The following HS3ST4 variants were observed in gnomAD, a reference collection of about 807,000 sequenced individuals.
HS3ST4 encodes the protein heparan sulfate-glucosamine 3-sulfotransferase 4, also known as heparan sulfate glucosamine 3-O-sulfotransferase 4.
In HS3ST4, 17 loss-of-function variants were observed where a neutral mutation model predicts 29.2. The observed-to-expected ratio is 0.58, with a 90% CI of 0.40 to 0.87. The LOEUF is 0.87. HS3ST4 is among the 40% of genes least tolerant of loss of function. The pLI is 0.00. For missense variants in HS3ST4, 627 were observed against 634.5 expected (o/e 0.99, Z 0.13); for synonymous variants, 314 against 285.7 (o/e 1.10, Z -1.00).
chr16:25,703,747 G>C (rs1441570373), intron 1 of HS3ST4, among the ~76,000 whole-genome samples: 4 of 152,084 alleles, frequency 2.6e-5, no homozygotes, highest in Admixed American at 2.6e-4. Context: ...TCCCCCTTTA[G>C]GGCCATTTTA....
In HS3ST4 at chr16:25,822,966, G is replaced by A. The variant is rs187134309; in HGVS notation, c.734+129815G>A. On this transcript the variant is annotated intron_variant, in intron 1 of 1. Transcript: ENST00000331351. ...TTGGTCAGGCTGGTCTTGAACTCCT[G>A]GCCTCAAGTGATCTGCCCTCCTTTG... is the stretch of plus-strand genomic sequence containing the variant. Among the ~76,000 whole-genome samples, 4 of 152,180 alleles carry A rather than the reference G, an allele frequency of 2.6e-5. No homozygotes were observed. In the East Asian group the frequency reaches 7.7e-4, roughly 29 times the overall value.
intron 1 of HS3ST4, among the ~76,000 whole-genome samples, chr16:25,937,115 A>T (rs189865489): frequency 1.2e-4 from 18 of 151,188 alleles, no homozygotes; most frequent in Admixed American, 1.1e-3. Context: ...ACAAGGTCAT[A>T]CCTTTCTGGG....
At chr16:25,736,345 G>A (rs1966610238) in intron 1 of HS3ST4, among the ~76,000 whole-genome samples, 1 of 152,200 alleles carries the variant, frequency 6.6e-6, no homozygotes, top group African/African-American at 2.4e-5. Flanking sequence ...CTTGCCATAT[G>A]AAGTCACTTA....
At chr16:25,776,576 C>T (rs1966847707) in intron 1 of HS3ST4, among the ~76,000 whole-genome samples, 1 of 152,192 alleles carries the variant, frequency 6.6e-6, no homozygotes, top group Non-Finnish European at 1.5e-5. Context: ...GAGGCTGTGT[C>T]ACGGGTGCGC....
chr16:25,847,694 A>G (rs1967479819), intron 1 of HS3ST4, among the ~76,000 whole-genome samples: 1 of 152,190 alleles, frequency 6.6e-6, no homozygotes, highest in East Asian at 1.9e-4. Flanking sequence ...CTTCCTGGGA[A>G]TTCAGGTAGC....
chr16:26,110,559 A>G (rs911172258), intron 1 of HS3ST4, among the ~76,000 whole-genome samples: 15 of 152,130 alleles, frequency 9.9e-5, no homozygotes, highest in Admixed American at 4.6e-4. Context: ...ACCAAATTCT[A>G]TTGGCCCTTT....
At chr16:25,725,383 A>T (rs1048308976) in intron 1 of HS3ST4, among the ~76,000 whole-genome samples, 3 of 152,174 alleles carry the variant, frequency 2.0e-5, no homozygotes, top group African/African-American at 4.8e-5. Context: ...ATTGTACATT[A>T]TAAGAAGTTT....
chr16:26,025,031 CT>C (rs879908333), intron 1 of HS3ST4, among the ~76,000 whole-genome samples: 32 of 147,514 alleles, frequency 2.2e-4, no homozygotes, highest in East Asian at 5.9e-4. Flanking sequence ...AAAGTTCCAA[CT>C]TTTTTTTTTT....
At chr16:25,886,026 G>GGT (rs1176522287) in intron 1 of HS3ST4, among the ~76,000 whole-genome samples, 6 of 85,310 alleles carry the variant, frequency 7.0e-5, no homozygotes, top group Non-Finnish European at 1.3e-4. Flanking sequence ...TTCTTACTGT[G>GGT]GTTTTTTTTT....
intron 1 of HS3ST4, among the ~76,000 whole-genome samples, chr16:26,073,905 G>T (rs1898630206): frequency 6.6e-6 from 1 of 152,142 alleles, no homozygotes; most frequent in Non-Finnish European, 1.5e-5. Context: ...CCACAGGACT[G>T]AATAAGACAA....
intron 1 of HS3ST4, among the ~76,000 whole-genome samples, chr16:25,834,021 G>T (rs1489942843): frequency 6.7e-6 from 1 of 149,308 alleles, no homozygotes; most frequent in East Asian, 1.9e-4. Context: ...TGGCAAATTT[G>T]AAAAAAAAAT....
At chr16:25,951,488 A>G (rs570217987) in intron 1 of HS3ST4, among the ~76,000 whole-genome samples, 1 of 152,330 alleles carries the variant, frequency 6.6e-6, no homozygotes, top group South Asian at 2.1e-4. Flanking sequence ...AAACACTAAC[A>G]TATTATACTA....
chr16:25,888,824 G>C (rs568536666), intron 1 of HS3ST4, among the ~76,000 whole-genome samples: 2 of 152,324 alleles, frequency 1.3e-5, no homozygotes, highest in East Asian at 1.9e-4. Context: ...ACTCTGAAAA[G>C]ATGCTCAGAT....
At chr16:26,020,242 A>G (rs1444371434) in intron 1 of HS3ST4, among the ~76,000 whole-genome samples, 4 of 152,176 alleles carry the variant, frequency 2.6e-5, no homozygotes, top group Non-Finnish European at 5.9e-5. Context: ...ATAATTTTAT[A>G]TTGCTTGATC....
At chr16:25,777,589 C>T (rs1343714827) in intron 1 of HS3ST4, among the ~76,000 whole-genome samples, 1 of 151,938 alleles carries the variant, frequency 6.6e-6, no homozygotes, top group Non-Finnish European at 1.5e-5. Flanking sequence ...GCCAACATGG[C>T]GAAAAACATC....
intron 1 of HS3ST4, among the ~76,000 whole-genome samples, chr16:25,818,206 C>A (rs1392459314): frequency 6.6e-6 from 1 of 152,176 alleles, no homozygotes; most frequent in African/African-American, 2.4e-5. Context: ...ATTTAATCTC[C>A]AGTGTGATGG....
At chr16:25,694,395 C>T (rs1345589439) in intron 1 of HS3ST4, among the ~76,000 whole-genome samples, 1 of 152,174 alleles carries the variant, frequency 6.6e-6, no homozygotes, top group African/African-American at 2.4e-5. Context: ...GCTTTAAAAG[C>T]TTGAGAGAAG....
chr16:25,692,796 G>C lies in HS3ST4; in HGVS notation c.379G>C (p.Gly127Arg), dbSNP rs1333348363. 2 of 1,379,970 alleles carry C rather than the reference G, an allele frequency of 1.4e-6. No individual in the cohort carries two copies. The highest frequency in any genetic ancestry group is 3.1e-5 in the East Asian group (1 of 32,636). The allele number at this position is 1,379,970 out of a possible 1,614,324, so 85.5% of individuals were successfully genotyped here. A position where few individuals can be genotyped will look rare whatever the true frequency, so the allele number is the denominator to read the frequency against. Residue 127 changes from glycine to arginine, a missense_variant, in exon 1 of 2, where the codon GGG becomes CGG. By Grantham distance (125) the Gly-to-Arg change is moderately radical. This residue lies in a region of HS3ST4 where 402 missense variants were observed against 340.8 expected (regional missense o/e 1.18). Coordinates refer to ENST00000331351, the MANE Select transcript of HS3ST4 (RefSeq NM_006040.3). The stretch of plus-strand genomic sequence containing the variant: ...AGCCGCCCCCGGGACCGACGGCTGG[G>C]GGCTGCCGAGCGGCGGCGGAGGCGC... The part of the protein sequence containing the change: ...QPAAPGTDGW[G>R]LPSGGGGAQD...
intron 1 of HS3ST4, among the ~76,000 whole-genome samples, chr16:25,922,379 T>A (rs1407102144): frequency 6.6e-6 from 1 of 152,166 alleles, no homozygotes; most frequent in Admixed American, 6.5e-5. Flanking sequence ...CAAGAAAACA[T>A]CATTTGTGAA....
Sources: gnomAD v4.1 joint callset for allele counts (sites outside exome capture counted in the v4.1 genomes callset) on GRCh38, gnomAD v4.1.1 for gene constraint, gnomAD v4.1.1 regional missense constraint, MANE v1.5 for transcripts, NCBI Gene and HGNC (gene_info 2026-07-23, HGNC 2026-07-21) for gene names.